The following VPS13D variants were observed in gnomAD, a reference collection of about 807,000 sequenced individuals.
VPS13D encodes intermembrane lipid transfer protein VPS13D.
A neutral mutation model predicts 461.9 loss-of-function variants in VPS13D; 187 were observed. That is an observed-to-expected ratio of 0.40 (90% CI 0.36 to 0.46). The LOEUF (loss-of-function observed/expected upper bound fraction) is 0.46. Ranked by LOEUF, VPS13D falls within the 20% of genes least tolerant of loss-of-function variation. The pLI, the probability that VPS13D is intolerant of heterozygous loss-of-function variation, is 0.60. For missense variants in VPS13D, 4,711 were observed against 5,364.9 expected (o/e 0.88, Z 3.81); for synonymous variants, 1,951 against 1,986.3 (o/e 0.98, Z 0.47).
chr1:12,336,715 A>G (rs930540428), intron 39 of VPS13D: 1 of 152,212 alleles, frequency 6.6e-6, no homozygotes, highest in African/African-American at 2.4e-5. Flanking sequence ...ACACAAAGAA[A>G]TGTCAGCTGT....
In VPS13D at chr1:12,335,771, C is replaced by T; in HGVS notation, c.8495C>T (p.Ser2832Leu). The T allele has an allele frequency of 6.2e-7, 1 of 1,614,126 alleles. No homozygotes were observed. The highest frequency in any genetic ancestry group is 2.2e-5 in the East Asian group (1 of 44,872). Residue 2832 changes from serine to leucine, a missense_variant, in exon 39 of 70, where the codon TCA (serine) becomes TTA (leucine). Physicochemically the swap from Ser to Leu is moderately radical, Grantham distance 145. Around this residue, in one of 3 missense-constraint regions of VPS13D, gnomAD observed 4,411 missense variants for 4,937.8 expected, o/e 0.89. Transcript: ENST00000620676. The stretch of plus-strand genomic sequence containing the variant: ...TGTAAAGATGACAAGGACATAGAGT[C>T]AGCTAAATCAGAAGACTGGATGGGC... ...DYCKDDKDIESAKSEDWMGSS... is the reference protein window; with the variant it reads ...DYCKDDKDIELAKSEDWMGSS...
At chr1:12,493,000 C>A (rs1284316223) in intron 67 of VPS13D, among the ~76,000 whole-genome samples, 2 of 150,778 alleles carry the variant, frequency 1.3e-5, no homozygotes, top group Non-Finnish European at 2.9e-5. Flanking sequence ...ACAGCGGCTG[C>A]CTTAGTTAAA....
At chr1:12,388,944 A>G (rs1287232087) in intron 60 of VPS13D, among the ~76,000 whole-genome samples, 3 of 152,246 alleles carry the variant, frequency 2.0e-5, no homozygotes, top group African/African-American at 7.2e-5. Flanking sequence ...AAAGAATATT[A>G]CTGGTGTAGT....
chr1:12,442,388 A>G (rs1168592869), intron 65 of VPS13D, among the ~76,000 whole-genome samples: 1 of 152,166 alleles, frequency 6.6e-6, no homozygotes, highest in Non-Finnish European at 1.5e-5. Flanking sequence ...TAGTGTGTCA[A>G]CTTATTGGAC....
At chr1:12,388,450 T>A (rs1295479695) in intron 60 of VPS13D, among the ~76,000 whole-genome samples, 1 of 151,954 alleles carries the variant, frequency 6.6e-6, no homozygotes, top group Non-Finnish European at 1.5e-5. Context: ...GGCACACACC[T>A]GTAATCCCAG....
At chr1:12,345,572 G>A (rs1643657607) in intron 43 of VPS13D, 63 bp downstream of exon 43, 3 of 1,549,824 alleles carry the variant, frequency 1.9e-6, no homozygotes, top group Non-Finnish European at 1.8e-6. Flanking sequence ...GGTTAAGCCT[G>A]TAATAAGCTT....
At chr1:12,410,564 C>T (rs1308933485) in intron 63 of VPS13D, among the ~76,000 whole-genome samples, 1 of 152,018 alleles carries the variant, frequency 6.6e-6, no homozygotes, top group African/African-American at 2.4e-5. Context: ...GAAACAGAAC[C>T]ATAGATAAAC....
At chr1:12,380,615 G>A (rs899999012) in intron 57 of VPS13D, among the ~76,000 whole-genome samples, 4 of 152,228 alleles carry the variant, frequency 2.6e-5, no homozygotes, top group Non-Finnish European at 5.9e-5. Flanking sequence ...GTAGGAAGGT[G>A]TCTAGGAGGT....
chr1:12,428,327 A>G (rs891243979), intron 65 of VPS13D, among the ~76,000 whole-genome samples: 2 of 152,242 alleles, frequency 1.3e-5, no homozygotes, highest in African/African-American at 4.8e-5. Flanking sequence ...CACCTCCAGC[A>G]GGCAAGGGGG....
chr1:12,456,741 T>G (rs1238516758), intron 66 of VPS13D, among the ~76,000 whole-genome samples: 2 of 152,138 alleles, frequency 1.3e-5, no homozygotes, highest in Non-Finnish European at 2.9e-5. Context: ...CTCCTTGCAG[T>G]TGAAATACGA....
At chr1:12,367,887 G>T (rs574701703) in intron 52 of VPS13D, among the ~76,000 whole-genome samples, 1 of 152,116 alleles carries the variant, frequency 6.6e-6, no homozygotes. Context: ...GATTACAGGC[G>T]TGAGCCACCA....
chr1:12,366,854 C>G (rs1644042788), intron 52 of VPS13D, among the ~76,000 whole-genome samples: 1 of 152,180 alleles, frequency 6.6e-6, no homozygotes, highest in Non-Finnish European at 1.5e-5. Context: ...ATTTTCCTTT[C>G]TGAACTATTT....
chr1:12,304,697 ACT>A lies in VPS13D; in HGVS notation c.6409_6410del (p.Leu2137ValfsTer8). ...STKQQGPQPTLSVGQESSSPE... is the reference protein window; with the variant it reads ...STKQQGPQPTXSVGQESSSPE... ...CCAAGCAGCAAGGGCCGCAACCCAC[ACT>A]GTCTGTTGGCCAAGAGTCCAGTAGT... is the stretch of plus-strand genomic sequence containing the variant. On this transcript the variant is annotated frameshift_variant, in exon 26 of 70. Coordinates refer to ENST00000620676, the MANE Select transcript of VPS13D (RefSeq NM_015378.4). LOFTEE classifies it high-confidence loss of function. 1 of 1,613,992 alleles carries A rather than the reference ACT, an allele frequency of 6.2e-7. No individual in the cohort carries two copies. Among genetic ancestry groups the A allele is most frequent in the Non-Finnish European group, 8.5e-7 (1 of 1,180,032 alleles).
rs79398560 is a variant in VPS13D, at chr1:12,239,786, T to G, written c.98-2727T>G. On this transcript the variant is annotated intron_variant, in intron 2 of 69. Transcript: ENST00000620676. ...TCTAAATTACTCCCAGTTTAGTGAG[T>G]AGATTTCTTGCTAGCCTGAGATGAG... Among the ~76,000 whole-genome samples, 3 of 152,202 alleles carry G rather than the reference T, an allele frequency of 2.0e-5. No homozygotes were observed. In the East Asian group the frequency reaches 5.8e-4, roughly 29 times the overall value.
chr1:12,276,728 C>T lies in VPS13D; in HGVS notation c.3140C>T (p.Pro1047Leu), dbSNP rs74853154. The part of the protein sequence containing the change: ...DSRAQSPVSG[P>L]NVAHLTDGAT... ...AGGGCCCAGTCTCCTGTCTCTGGAC[C>T]GAATGTGGCCCACTTAACTGATGGA... The change falls in exon 19 of 70, where the codon CCG (proline) becomes CTG (leucine). Residue 1047 changes from proline to leucine, a missense_variant. Physicochemically the swap from Pro to Leu is moderately conservative, Grantham distance 98 (BLOSUM62 -3). Around this residue, in one of 3 missense-constraint regions of VPS13D, gnomAD observed 4,411 missense variants for 4,937.8 expected, o/e 0.89. Coordinates refer to ENST00000620676, the MANE Select transcript of VPS13D (RefSeq NM_015378.4). This position sits in a 1 kb window ranked among gnomAD's most constrained non-coding sequence, Gnocchi z 4.5. The T allele has an allele frequency of 7.8e-4, 1,255 of 1,614,124 alleles. 19 individuals carry two copies. The East Asian group carries it at 0.025, about 32-fold the overall frequency.
chr1:12,347,806 C>A (rs1392010226), intron 44 of VPS13D, among the ~76,000 whole-genome samples: 2 of 152,188 alleles, frequency 1.3e-5, no homozygotes, highest in African/African-American at 4.8e-5. Flanking sequence ...GTAGTACTTT[C>A]AGACTTTTTC....
rs746185561 is a variant in VPS13D at position 12,291,096 on chromosome 1, G to A, written c.5824G>A (p.Glu1942Lys). 2 of 1,613,394 alleles carry A rather than the reference G, an allele frequency of 1.2e-6. No homozygotes were observed. The highest frequency in any genetic ancestry group is 2.2e-5 in the East Asian group (1 of 44,866). Residue 1942 changes from glutamate (E) to lysine (K), a missense_variant, in exon 23 of 70, where the codon GAA (glutamate) becomes AAA (lysine). By Grantham distance (56) the Glu-to-Lys change is moderately conservative. Transcript: ENST00000620676. The stretch of plus-strand genomic sequence containing the variant: ...CAGAGAACGGTTCACTACCAGTGGT[G>A]AAGAAGCACTCATCTTCCAGACTTT... Reference protein sequence around the residue: ...FYRERFTTSGEEALIFQTFKY... With the variant: ...FYRERFTTSGKEALIFQTFKY...
chr1:12,461,032 T>A (rs115736053), intron 67 of VPS13D, among the ~76,000 whole-genome samples: 2,544 of 152,260 alleles, frequency 0.017, 66 homozygotes, highest in African/African-American at 0.057. Context: ...GCCCATATGG[T>A]TCCAAACCCC....
In VPS13D at chr1:12,509,425, T is replaced by C. The variant is rs1646155896; in HGVS notation, c.*401T>C. On this transcript the variant is annotated 3_prime_UTR_variant, in exon 70 of 70. Transcript: ENST00000620676. Reference sequence around the variant, plus strand: ...AACTGTAAAGTAATATAAAGTTATATTGGATCTTCTATTGCACTAATTCTA... The same window carrying C: ...AACTGTAAAGTAATATAAAGTTATACTGGATCTTCTATTGCACTAATTCTA... The C allele has an allele frequency of 6.4e-6, 1 of 156,438 alleles. No individual in the cohort carries two copies. The allele number at this position is 156,438 out of a possible 1,614,324, so 9.7% of individuals were successfully genotyped here.
Sources: gnomAD v4.1 joint callset for allele counts (sites outside exome capture counted in the v4.1 genomes callset) on GRCh38, gnomAD v4.1.1 for gene constraint, gnomAD v4.1.1 regional missense constraint, Gnocchi (gnomAD v3.1) non-coding constraint, MANE v1.5 for transcripts, NCBI Gene and HGNC (gene_info 2026-07-23, HGNC 2026-07-21) for gene names.